Variants in ZBED6 observed in about 807,000 individuals in gnomAD.
ZBED6 encodes the protein zinc finger BED-type containing 6.
ZBED6 carries 40 observed loss-of-function variants against 58.4 expected under a neutral mutation model. That is an observed-to-expected ratio of 0.68 (90% CI 0.53 to 0.89). ZBED6 has a LOEUF of 0.89. Ranked by LOEUF, ZBED6 falls within the 40% of genes least tolerant of loss-of-function variation. The probability of loss-of-function intolerance (pLI) is 0.00; values close to 1 mark genes in which losing one functional copy is unlikely to be tolerated. For synonymous variants in ZBED6, 439 were observed against 350.6 expected, an observed-to-expected ratio of 1.25 and a Z score of -2.82; for missense variants, 1,057 against 1,003.9, an observed-to-expected ratio of 1.05 and a Z score of -0.71.
At chr1:203,826,809 C>T (rs1680672172) in intron 3 of ZBED6, among the ~76,000 whole-genome samples, 1 of 152,012 alleles carries the variant, frequency 6.6e-6, no homozygotes, top group South Asian at 2.1e-4. Context: ...TATCTTTTTT[C>T]CCCCTTTTTT....
chr1:203,799,555 C>T, exon 1 of ZBED6: 3 of 703,008 alleles, frequency 4.3e-6, no homozygotes, highest in Non-Finnish European at 7.8e-6. Context: ...GTTGTGCTCA[C>T]CTCCCTTCAG....
chr1:203,796,464 G>T (rs1264242922), exon 1 of ZBED6: 1 of 398,904 alleles, frequency 2.5e-6, no homozygotes, highest in African/African-American at 2.1e-5. Context: ...TGGTGAAACC[G>T]TAATGAAGAA....
At chr1:203,834,061 G>C (rs1455635352) in intron 9 of ZBED6, 1 of 1,229,506 alleles carries the variant, frequency 8.1e-7, no homozygotes, top group African/African-American at 1.6e-5. Context: ...ACTAGATTAT[G>C]ACCATGACCA....
At chr1:203,805,866 C>T in intron 1 of ZBED6, 1 of 862,856 alleles carries the variant, frequency 1.2e-6, no homozygotes, top group Non-Finnish European at 1.9e-6. Flanking sequence ...CCATCATGTC[C>T]ACTAGCTGGT....
exon 1 of ZBED6, chr1:203,799,379 G>C: frequency 1.4e-6 from 1 of 703,466 alleles, no homozygotes; most frequent in African/African-American, 1.7e-5. Flanking sequence ...TTAGTCATTC[G>C]GTCAAGGCCC....
exon 1 of ZBED6, chr1:203,798,072 T>G: frequency 6.5e-7 from 1 of 1,536,140 alleles, no homozygotes; most frequent in Non-Finnish European, 8.7e-7. Flanking sequence ...TTCACCTCAT[T>G]GGACCAGGGC....
At chr1:203,811,844 G>T (rs1225011407) in intron 1 of ZBED6, among the ~76,000 whole-genome samples, 4 of 147,558 alleles carry the variant, frequency 2.7e-5, no homozygotes, top group Non-Finnish European at 6.0e-5. Context: ...TTTTAGACAG[G>T]TCTCACTGTC....
At chr1:203,820,030 T>C (rs1409751273) in intron 3 of ZBED6, among the ~76,000 whole-genome samples, 1 of 150,230 alleles carries the variant, frequency 6.7e-6, no homozygotes, top group Non-Finnish European at 1.5e-5. Context: ...AGATCAGGAG[T>C]TCGAGACCAG....
intron 3 of ZBED6, among the ~76,000 whole-genome samples, chr1:203,819,176 G>GTGTA (rs1553262937): frequency 1.4e-5 from 2 of 148,030 alleles, no homozygotes; most frequent in Non-Finnish European, 3.0e-5. Context: ...ATATGTGTGT[G>GTGTA]TATATATATA....
chr1:203,798,550 T>C (rs1312529823), exon 1 of ZBED6: 1 of 1,536,038 alleles, frequency 6.5e-7, no homozygotes, highest in East Asian at 2.4e-5. Context: ...AGTGATCTCT[T>C]GAGTGATACC....
chr1:203,797,663 G>A lies in ZBED6; in HGVS notation c.141G>A (p.Met47Ile), dbSNP rs1174482890. The change falls in exon 1 of 17, where the codon ATG (methionine) becomes ATA (isoleucine). Residue 47 changes from methionine (M) to isoleucine (I), a missense_variant. Physicochemically the swap from Met to Ile is conservative, Grantham distance 10. Transcript: ENST00000550078. Reference sequence around the variant, plus strand: ...AAGAAGATGTGGTAGAGGAAAAGATGGTAGCAGAAGGAGTGAATAAAGAGG... The same window carrying A: ...AAGAAGATGTGGTAGAGGAAAAGATAGTAGCAGAAGGAGTGAATAAAGAGG... The A allele has an allele frequency of 5.9e-6, 9 of 1,535,958 alleles. No homozygotes were observed. Among genetic ancestry groups the A allele is most frequent in the East Asian group, 2.4e-5 (1 of 40,916 alleles).
chr1:203,844,721 G>C (rs139566442), intron 11 of ZBED6, among the ~76,000 whole-genome samples: 1 of 152,194 alleles, frequency 6.6e-6, no homozygotes, highest in African/African-American at 2.4e-5. Flanking sequence ...AGCTTGTATG[G>C]ACTGAAGATG....
intron 11 of ZBED6, 34 bp from the exon 12 acceptor site, chr1:203,847,150 A>G (rs778134124): frequency 1.9e-6 from 3 of 1,606,924 alleles, no homozygotes; most frequent in Non-Finnish European, 2.5e-6. Context: ...ATGAACTTCA[A>G]GTATAATGAC....
chr1:203,798,898 A>G (rs955994096), exon 1 of ZBED6: 1 of 1,536,124 alleles, frequency 6.5e-7, no homozygotes, highest in Non-Finnish European at 8.7e-7. Flanking sequence ...GCTGTACCTC[A>G]GTTATATGAT....
chr1:203,850,711 T>C, intron 15 of ZBED6, 30 bp downstream of exon 15: 2 of 1,603,582 alleles, frequency 1.2e-6, no homozygotes, highest in Non-Finnish European at 1.7e-6. Context: ...TGTGGTGCTT[T>C]ATTCTGTGTG....
chr1:203,849,763 G>A (rs920410915), exon 14 of ZBED6: 1 of 1,613,818 alleles, frequency 6.2e-7, no homozygotes, highest in African/African-American at 1.3e-5. Context: ...GTCAAGAGAT[G>A]TGAGACCATG....
exon 1 of ZBED6, chr1:203,796,371 C>A: frequency 2.5e-6 from 1 of 398,960 alleles, no homozygotes; most frequent in East Asian, 3.6e-5. Flanking sequence ...TACACCCATT[C>A]CCCACTCTCA....
At chr1:203,839,944 C>G (rs556477610) in intron 10 of ZBED6, among the ~76,000 whole-genome samples, 1 of 149,986 alleles carries the variant, frequency 6.7e-6, no homozygotes, top group Non-Finnish European at 1.5e-5. Context: ...TCTGAGATTA[C>G]AGGCATGTGC....
intron 1 of ZBED6, among the ~76,000 whole-genome samples, chr1:203,808,195 A>G (rs1007045852): frequency 1.3e-5 from 2 of 152,188 alleles, no homozygotes; most frequent in Admixed American, 6.5e-5. Flanking sequence ...GTTCTGAGCT[A>G]TTTGTGAAAT....
Sources: allele counts gnomAD v4.1 joint callset (sites outside exome capture counted in the v4.1 genomes callset), GRCh38; gene constraint gnomAD v4.1.1; transcripts MANE v1.5; gene names NCBI Gene and HGNC (gene_info 2026-07-23, HGNC 2026-07-21).